TRAK1: variants seen among roughly 807,000 people sequenced by gnomAD.
TRAK1 encodes trafficking kinesin protein 1.
Under a neutral mutation model 92.1 loss-of-function variants are expected in TRAK1, and 33 were observed. The ratio of observed to expected loss-of-function variants is 0.36; its 90% confidence interval spans 0.27 to 0.48. TRAK1 has a LOEUF of 0.48. TRAK1 is among the 20% of genes least tolerant of loss of function. The pLI is 0.99. For synonymous variants in TRAK1, 521 were observed against 517.3 expected (o/e 1.01, Z -0.10); for missense variants, 1,123 against 1,257.9 (o/e 0.89, Z 1.62).
chr3:42,188,322 G>A (rs759606781), intron 5 of TRAK1, among the ~76,000 whole-genome samples, 177 bp downstream of exon 5: 1 of 152,186 alleles, frequency 6.6e-6, no homozygotes, highest in Non-Finnish European at 1.5e-5. Flanking sequence ...CTATTTTAGC[G>A]GGATATGGAT....
rs1710625701 is a variant in TRAK1 at position 42,224,318 on chromosome 3, T to G, written c.*581T>G. 6.9e-6 allele frequency: 2 copies of G among 291,262 alleles called. No individual in the cohort carries two copies. Among genetic ancestry groups the G allele is most frequent in the African/African-American group, 4.6e-5 (2 of 43,054 alleles). 18.0% of individuals were successfully genotyped at this position (291,262 alleles called of 1,614,324 possible). On this transcript the variant is annotated 3_prime_UTR_variant, in exon 16 of 16. Transcript: ENST00000327628. ...CAAGACCTTCACTGCTCTGCCTCAG[T>G]GGACAGTCGTTTCTTTTTTGAGGTG... is the stretch of plus-strand genomic sequence containing the variant.
rs765126555 is a variant in TRAK1, at chr3:42,194,917, C to T, written c.1089C>T (p.Tyr363=). Residue 363 remains tyrosine (Y), a synonymous_variant, in exon 10 of 16, where the codon TAC becomes TAT. Transcript: ENST00000327628. ...KTMPNTTSRR[Y]HSLGLFPMDS... The stretch of plus-strand genomic sequence containing the variant: ...TGCCCAATACCACGTCTCGGCGCTA[C>T]CACTCACTGGGCCTGTTTCCCATGG... The T allele has an allele frequency of 6.2e-7, 1 of 1,613,896 alleles. No homozygotes were observed. Among genetic ancestry groups the T allele is most frequent in the South Asian group, 1.1e-5 (1 of 91,008 alleles).
At chr3:42,120,137 G>A (rs1709662360) in intron 1 of TRAK1, among the ~76,000 whole-genome samples, 1 of 152,162 alleles carries the variant, frequency 6.6e-6, no homozygotes, top group South Asian at 2.1e-4. Flanking sequence ...ACAGTAACTG[G>A]GCAAGGAGGC....
intron 1 of TRAK1, 51 bp from the exon 2 acceptor site, chr3:42,125,369 C>G (rs1390378636): frequency 2.6e-6 from 4 of 1,560,494 alleles, no homozygotes; most frequent in Non-Finnish European, 3.5e-6. Context: ...TAACTAGCAG[C>G]AAGGCCATAG....
chr3:42,162,364 T>C (rs1410167192), intron 2 of TRAK1, among the ~76,000 whole-genome samples: 1 of 152,048 alleles, frequency 6.6e-6, no homozygotes, highest in Non-Finnish European at 1.5e-5. Context: ...ATATATTTTG[T>C]CAACTAAGTG....
intron 4 of TRAK1, chr3:42,185,064 C>T (rs1015446652): frequency 8.9e-6 from 4 of 450,572 alleles, no homozygotes; most frequent in South Asian, 3.7e-5. Flanking sequence ...GCATGGTCCT[C>T]ACTCAGTCGT....
intron 1 of TRAK1, among the ~76,000 whole-genome samples, chr3:42,029,912 T>C (rs891100498): frequency 6.6e-6 from 1 of 151,948 alleles, no homozygotes; most frequent in African/African-American, 2.4e-5. Context: ...GGAGGCACGA[T>C]TGGAAGTACG....
chr3:42,209,626 G>C, intron 13 of TRAK1, 141 bp from the exon 14 acceptor site: 2 of 775,848 alleles, frequency 2.6e-6, no homozygotes, highest in Non-Finnish European at 2.0e-6. Flanking sequence ...TGAAGTTCCC[G>C]CTGCAGTCCA....
At chr3:42,048,490 G>A (rs190845888) in intron 1 of TRAK1, among the ~76,000 whole-genome samples, 3 of 151,954 alleles carry the variant, frequency 2.0e-5, no homozygotes, top group East Asian at 3.9e-4. Flanking sequence ...TCTTGTTCCC[G>A]AAAAGTCACT....
chr3:42,216,125 T>C (rs968690980), intron 14 of TRAK1, among the ~76,000 whole-genome samples: 2 of 152,188 alleles, frequency 1.3e-5, no homozygotes, highest in Admixed American at 6.5e-5. Flanking sequence ...CTGTGGAACC[T>C]CTGGGCCCCA....
chr3:42,136,598 G>A (rs1697978783), intron 2 of TRAK1, among the ~76,000 whole-genome samples: 1 of 151,594 alleles, frequency 6.6e-6, no homozygotes, highest in Non-Finnish European at 1.5e-5. Context: ...ATTCCAGCCT[G>A]GGCAATTGAG....
At chr3:42,137,437 T>C (rs1455843299) in intron 2 of TRAK1, among the ~76,000 whole-genome samples, 2 of 152,228 alleles carry the variant, frequency 1.3e-5, no homozygotes, top group Non-Finnish European at 2.9e-5. Flanking sequence ...CTTACCTCTT[T>C]CTTAGTTTGT....
At chr3:42,105,630 C>A (rs969528247) in intron 1 of TRAK1, among the ~76,000 whole-genome samples, 1 of 152,086 alleles carries the variant, frequency 6.6e-6, no homozygotes, top group African/African-American at 2.4e-5. Flanking sequence ...CCCAACCTAG[C>A]GAGGCAGGCC....
chr3:42,086,774 C>T (rs527304547), upstream of TRAK1, among the ~76,000 whole-genome samples: 6 of 152,174 alleles, frequency 3.9e-5, no homozygotes, highest in African/African-American at 1.2e-4. Context: ...AAAATGTTAC[C>T]TCTCTTTGTG....
intron 1 of TRAK1, among the ~76,000 whole-genome samples, chr3:42,120,574 C>T (rs961996790): frequency 1.3e-5 from 2 of 151,898 alleles, no homozygotes; most frequent in South Asian, 2.1e-4. Context: ...GATGGAGTCT[C>T]GCTCTGTCAC....
chr3:42,170,574 G>A (rs955980188), intron 2 of TRAK1, among the ~76,000 whole-genome samples: 2 of 152,278 alleles, frequency 1.3e-5, no homozygotes, highest in East Asian at 1.9e-4. Context: ...AGAATTGCTA[G>A]GGATACGTGT....
intron 2 of TRAK1, among the ~76,000 whole-genome samples, chr3:42,137,086 T>C (rs1698053202): frequency 8.9e-6 from 1 of 112,246 alleles, no homozygotes; most frequent in Non-Finnish European, 1.9e-5. Context: ...GAGATTTTTT[T>C]CTAGATTTTT....
At chr3:42,016,945 C>T (rs892871153) in intron 1 of TRAK1, among the ~76,000 whole-genome samples, 3 of 152,106 alleles carry the variant, frequency 2.0e-5, no homozygotes, top group African/African-American at 7.2e-5. Context: ...ATATATGATT[C>T]TGTGACCCTT....
chr3:42,194,722 C>T (rs1197870143), intron 9 of TRAK1, 82 bp from the exon 10 acceptor site: 2 of 1,530,000 alleles, frequency 1.3e-6, no homozygotes, highest in East Asian at 4.6e-5. Flanking sequence ...ATTGCTGTGT[C>T]TTTCTGGCCT....
Sources: gnomAD v4.1 joint callset for allele counts (sites outside exome capture counted in the v4.1 genomes callset) on GRCh38, gnomAD v4.1.1 for gene constraint, MANE v1.5 for transcripts, NCBI Gene and HGNC (gene_info 2026-07-23, HGNC 2026-07-21) for gene names.